ARL15: variants seen among roughly 807,000 people sequenced by gnomAD.
ARL15 encodes ADP-ribosylation factor-like protein 15.
ARL15 carries 19 observed loss-of-function variants against 25.2 expected under a neutral mutation model. The observed-to-expected ratio is 0.75, with a 90% confidence interval of 0.53 to 1.10. The LOEUF (loss-of-function observed/expected upper bound fraction) is 1.10, where lower values mean the gene tolerates loss of function less well. ARL15 is among the 50% of genes least tolerant of loss of function. ARL15 has a pLI of 0.00. For synonymous variants in ARL15, 94 were observed against 86.8 expected (o/e 1.08, Z -0.46); for missense variants, 220 against 246.0 (o/e 0.89, Z 0.71).
intron 1 of ARL15, among the ~76,000 whole-genome samples, chr5:54,232,133 C>T (rs1756688763): frequency 6.6e-6 from 1 of 152,200 alleles, no homozygotes; most frequent in South Asian, 2.1e-4. Context: ...TCTCAGCCTC[C>T]ATAGTCTTAG....
At chr5:54,047,185 T>A (rs779331965) in intron 4 of ARL15, among the ~76,000 whole-genome samples, 1 of 152,054 alleles carries the variant, frequency 6.6e-6, no homozygotes, top group Non-Finnish European at 1.5e-5. Flanking sequence ...AATTTAGTAT[T>A]CCAGGAAGTA....
At chr5:53,936,141 T>C (rs1746343189) in intron 4 of ARL15, among the ~76,000 whole-genome samples, 2 of 152,226 alleles carry the variant, frequency 1.3e-5, no homozygotes, top group Admixed American at 1.3e-4. Flanking sequence ...GAGGTACATA[T>C]ATTGACATAA....
At chr5:54,016,222 A>G (rs1749421954) in intron 4 of ARL15, among the ~76,000 whole-genome samples, 5 of 152,158 alleles carry the variant, frequency 3.3e-5, no homozygotes. Flanking sequence ...TCTCCCTTAT[A>G]GTGTATAATA....
intron 3 of ARL15, among the ~76,000 whole-genome samples, chr5:54,140,256 GA>G (rs11341805): frequency 0.86 from 121,419 of 141,162 alleles, 51,889 homozygotes; most frequent in East Asian, 0.97. Context: ...GATTTTGAAA[GA>G]AAAAAAAAAA....
intron 4 of ARL15, among the ~76,000 whole-genome samples, chr5:53,902,377 A>G (rs1276236268): frequency 3.3e-5 from 5 of 152,250 alleles, no homozygotes; most frequent in Non-Finnish European, 7.3e-5. Context: ...GACTCAACAA[A>G]ATATTAGGGA....
chr5:54,288,292 C>A (rs1333050823), intron 1 of ARL15, among the ~76,000 whole-genome samples: 1 of 152,204 alleles, frequency 6.6e-6, no homozygotes, highest in Non-Finnish European at 1.5e-5. Context: ...ATTAGTAAGT[C>A]TTACAAGTCT....
At chr5:54,140,933 T>A (rs1294762469) in intron 3 of ARL15, among the ~76,000 whole-genome samples, 2 of 152,196 alleles carry the variant, frequency 1.3e-5, no homozygotes, top group Admixed American at 6.5e-5. Flanking sequence ...TTTTTCACCT[T>A]AATGTCATTA....
At chr5:54,046,998 C>G (rs1425839016) in intron 4 of ARL15, among the ~76,000 whole-genome samples, 1 of 152,150 alleles carries the variant, frequency 6.6e-6, no homozygotes, top group Admixed American at 6.5e-5. Context: ...CACTGTCATG[C>G]TTCAATCTCT....
chr5:54,008,171 A>G (rs1276196673), intron 4 of ARL15, among the ~76,000 whole-genome samples: 1 of 152,232 alleles, frequency 6.6e-6, no homozygotes, highest in Non-Finnish European at 1.5e-5. Flanking sequence ...CTGGGCATAT[A>G]TATGAAATTT....
chr5:54,108,658 A>G (rs1315602333), intron 4 of ARL15, among the ~76,000 whole-genome samples: 2 of 152,132 alleles, frequency 1.3e-5, no homozygotes, highest in African/African-American at 2.4e-5. Context: ...ATGATCTGTT[A>G]TCAAGCAATA....
intron 3 of ARL15, among the ~76,000 whole-genome samples, chr5:54,140,508 A>G (rs571071127): frequency 6.6e-6 from 1 of 152,244 alleles, no homozygotes; most frequent in South Asian, 2.1e-4. Flanking sequence ...CACATTTAAA[A>G]TCTACCATTA....
intron 1 of ARL15, among the ~76,000 whole-genome samples, chr5:54,220,918 A>C (rs1056599264): frequency 6.6e-6 from 1 of 152,042 alleles, no homozygotes; most frequent in African/African-American, 2.4e-5. Context: ...ATCAGTAGAC[A>C]TGTGTCTTTT....
At chr5:54,303,453 G>A (rs1392885384) in intron 1 of ARL15, among the ~76,000 whole-genome samples, 1 of 152,112 alleles carries the variant, frequency 6.6e-6, no homozygotes, top group Admixed American at 6.5e-5. Flanking sequence ...AGAGGTTGCA[G>A]TGAGCTGAGA....
chr5:54,267,687 A>T (rs535938164), intron 1 of ARL15, among the ~76,000 whole-genome samples: 38 of 152,240 alleles, frequency 2.5e-4, no homozygotes, highest in Middle Eastern at 6.8e-3. Flanking sequence ...TCTCAGCATT[A>T]GCTTGTCTGT....
At chr5:54,179,142 T>C (rs765260891) in intron 1 of ARL15, among the ~76,000 whole-genome samples, 13 of 152,314 alleles carry the variant, frequency 8.5e-5, no homozygotes, top group Middle Eastern at 3.4e-3. Context: ...ACTTCTGCAA[T>C]GATAAGCCTC....
At chr5:54,252,752 T>C (rs1324609292) in intron 1 of ARL15, among the ~76,000 whole-genome samples, 1 of 152,136 alleles carries the variant, frequency 6.6e-6, no homozygotes, top group African/African-American at 2.4e-5. Flanking sequence ...GGAGACAAGG[T>C]CTCACTCTAT....
intron 1 of ARL15, among the ~76,000 whole-genome samples, chr5:54,191,652 C>A (rs548825697): frequency 1.2e-4 from 19 of 152,224 alleles, no homozygotes; most frequent in Admixed American, 1.2e-3. Flanking sequence ...AACCACACAT[C>A]CAATCAATCA....
chr5:54,282,524 G>A, intron 1 of ARL15: 1 of 985,368 alleles, frequency 1.0e-6, no homozygotes, highest in Non-Finnish European at 1.2e-6. Flanking sequence ...TGGGGCATGT[G>A]GCTTTATCTT....
chr5:54,153,422 C>T (rs538842044), intron 3 of ARL15, among the ~76,000 whole-genome samples: 26 of 152,236 alleles, frequency 1.7e-4, no homozygotes, highest in Admixed American at 3.9e-4. Flanking sequence ...ATATGCCATA[C>T]ATTTATTTTT....
Sources: gnomAD v4.1 joint callset for allele counts (sites outside exome capture counted in the v4.1 genomes callset) on GRCh38, gnomAD v4.1.1 for gene constraint, MANE v1.5 for transcripts, NCBI Gene and HGNC (gene_info 2026-07-23, HGNC 2026-07-21) for gene names.